The following ALK variants were observed in gnomAD, a reference collection of about 807,000 sequenced individuals.
ALK encodes ALK tyrosine kinase receptor.
In ALK, 74 loss-of-function variants were observed where a neutral mutation model predicts 163.1. That is an observed-to-expected ratio of 0.45 (90% CI 0.38 to 0.55). ALK has a LOEUF of 0.55. Ranked by LOEUF, ALK falls within the 20% of genes least tolerant of loss-of-function variation. The pLI, the probability that ALK is intolerant of heterozygous loss-of-function variation, is 0.00. For missense variants in ALK, 2,063 were observed against 2,105.3 expected (o/e 0.98, Z 0.39); for synonymous variants, 960 against 843.2 (o/e 1.14, Z -2.40).
intron 3 of ALK, among the ~76,000 whole-genome samples, chr2:29,619,531 T>A (rs1015326412): frequency 3.3e-5 from 5 of 152,120 alleles, no homozygotes; most frequent in Admixed American, 3.3e-4. Flanking sequence ...GACAACACCA[T>A]TGAAAGGGCC....
At chr2:29,352,738 G>A (rs1351090317) in intron 5 of ALK, among the ~76,000 whole-genome samples, 12 of 152,262 alleles carry the variant, frequency 7.9e-5, no homozygotes, top group African/African-American at 2.2e-4. Context: ...GATAGAGGCT[G>A]TGGGGTAGTG....
intron 1 of ALK, among the ~76,000 whole-genome samples, chr2:29,884,228 G>T (rs988590489): frequency 6.6e-6 from 1 of 152,128 alleles, no homozygotes; most frequent in Non-Finnish European, 1.5e-5. Flanking sequence ...ATAGTAAAAT[G>T]TGATCTCTCA....
intron 1 of ALK, among the ~76,000 whole-genome samples, chr2:29,888,664 G>C (rs1382662707): frequency 6.6e-6 from 1 of 152,124 alleles, no homozygotes; most frequent in African/African-American, 2.4e-5. Flanking sequence ...CTGGAGTACT[G>C]AAATTTCACA....
At chr2:29,309,600 AGCTCTAGGT>A (rs1666640622) in intron 8 of ALK, among the ~76,000 whole-genome samples, 1 of 152,144 alleles carries the variant, frequency 6.6e-6, no homozygotes, top group Admixed American at 6.5e-5. Flanking sequence ...GTGGCTTCCT[AGCTCTAGGT>A]GCTGGGGTAA....
chr2:29,792,011 T>G (rs1434555554), intron 1 of ALK, among the ~76,000 whole-genome samples: 1 of 152,220 alleles, frequency 6.6e-6, no homozygotes, highest in African/African-American at 2.4e-5. Context: ...AGTTGTAACC[T>G]TGAAGTGTCC....
chr2:29,877,157 TA>T (rs1666744811), intron 1 of ALK, among the ~76,000 whole-genome samples: 1 of 152,222 alleles, frequency 6.6e-6, no homozygotes, highest in African/African-American at 2.4e-5. Flanking sequence ...AAAATAAACA[TA>T]AATATATAAC....
At position 29,604,782 on chromosome 2, in the gene ALK, A is replaced by G. The variant is rs183401757; in HGVS notation, c.953-72666T>C. ...TTTGTTCTGCTCACATCTCTGACAC[A>G]GGAACAAAGCCACAAGCCTATGCAG... On this transcript the variant is annotated intron_variant, in intron 3 of 28. Transcript: ENST00000389048. 1.7e-4 allele frequency among the ~76,000 whole-genome samples: 26 copies of G among 152,326 alleles called. No individual in the cohort carries two copies. In the East Asian group the frequency reaches 5.0e-3, roughly 29 times the overall value.
intron 26 of ALK, among the ~76,000 whole-genome samples, chr2:29,205,918 T>TA (rs1207568993): frequency 6.6e-6 from 1 of 152,188 alleles, no homozygotes; most frequent in Non-Finnish European, 1.5e-5. Flanking sequence ...ACTGTATCTG[T>TA]AATTTTCTCT....
chr2:29,220,984 G>A (rs1162386433), intron 22 of ALK, 149 bp from the exon 23 acceptor site: 4 of 1,120,576 alleles, frequency 3.6e-6, no homozygotes. Flanking sequence ...GTCCCGGGCT[G>A]AGCCTAAACC....
intron 8 of ALK, among the ~76,000 whole-genome samples, chr2:29,306,372 C>T (rs1038431837): frequency 2.0e-5 from 3 of 152,144 alleles, no homozygotes; most frequent in Non-Finnish European, 2.9e-5. Context: ...GAGTGCAATG[C>T]CCATGTAATA....
intron 1 of ALK, among the ~76,000 whole-genome samples, chr2:29,824,617 G>A (rs1303375654): frequency 6.6e-6 from 1 of 152,198 alleles, no homozygotes; most frequent in African/African-American, 2.4e-5. Flanking sequence ...TTGCCTGGCT[G>A]GATTTCAAAC....
chr2:29,645,715 G>A (rs1676853324), intron 3 of ALK, among the ~76,000 whole-genome samples: 1 of 152,002 alleles, frequency 6.6e-6, no homozygotes. Context: ...TCAACCCTCA[G>A]CCCTCAGATG....
At chr2:29,242,991 C>T (rs1297460968) in intron 12 of ALK, among the ~76,000 whole-genome samples, 1 of 152,250 alleles carries the variant, frequency 6.6e-6, no homozygotes, top group Non-Finnish European at 1.5e-5. Flanking sequence ...GAAGGAGTAG[C>T]TCCCTCATCA....
At position 29,574,066 on chromosome 2, in the gene ALK, A is replaced by T. The variant is rs566813466; in HGVS notation, c.953-41950T>A. On this transcript the variant is annotated intron_variant, in intron 3 of 28. Coordinates refer to ENST00000389048, the MANE Select transcript of ALK (RefSeq NM_004304.5). ...CCAGAACCCCCTATCTGAAAAAAATAAAAAAAAAAATGTCCTTGCAGCATT... is the reference window on the plus strand; with the variant it reads ...CCAGAACCCCCTATCTGAAAAAAATTAAAAAAAAAATGTCCTTGCAGCATT... Among the ~76,000 whole-genome samples the T allele has an allele frequency of 6.6e-3, 14 of 2,128 alleles. No homozygotes were observed. The South Asian group carries it at 0.21, about 32-fold the overall frequency. The allele number at this position is 2,128 out of a possible 152,430, so 1.4% of individuals were successfully genotyped here. A position where few individuals can be genotyped will look rare whatever the true frequency, so the allele number is the denominator to read the frequency against.
intron 4 of ALK, among the ~76,000 whole-genome samples, chr2:29,432,814 A>C (rs1670304341): frequency 6.6e-6 from 1 of 151,756 alleles, no homozygotes; most frequent in African/African-American, 2.4e-5. Context: ...ACATTTGTCT[A>C]AACATGTGCT....
At chr2:29,437,014 G>A (rs1331622066) in intron 4 of ALK, among the ~76,000 whole-genome samples, 1 of 152,120 alleles carries the variant, frequency 6.6e-6, no homozygotes, top group African/African-American at 2.4e-5. Context: ...TGATTCAAGT[G>A]GTGCCCTTTA....
chr2:29,603,272 C>T (rs752929421), intron 3 of ALK, among the ~76,000 whole-genome samples: 2 of 152,142 alleles, frequency 1.3e-5, no homozygotes, highest in Non-Finnish European at 2.9e-5. Flanking sequence ...CAGAAAAATA[C>T]GTAGACAGGG....
At chr2:29,592,444 C>G (rs61034034) in intron 3 of ALK, among the ~76,000 whole-genome samples, 8,339 of 152,196 alleles carry the variant, frequency 0.055, 489 homozygotes, top group African/African-American at 0.14. Context: ...AAGTATCCCT[C>G]TCGCCTGAGC....
chr2:29,891,248 C>A (rs1255319417), intron 1 of ALK, among the ~76,000 whole-genome samples: 1 of 152,132 alleles, frequency 6.6e-6, no homozygotes, highest in Non-Finnish European at 1.5e-5. Context: ...GGTAAAGGCT[C>A]ATCTTCTTCA....
Sources: gnomAD v4.1 joint callset for allele counts (sites outside exome capture counted in the v4.1 genomes callset) on GRCh38, gnomAD v4.1.1 for gene constraint, MANE v1.5 for transcripts, NCBI Gene and HGNC (gene_info 2026-07-23, HGNC 2026-07-21) for gene names.